The following TBCK variants were observed in gnomAD, a reference collection of about 807,000 sequenced individuals.
TBCK encodes TBC domain-containing protein kinase-like protein.
Under a neutral mutation model 113.4 loss-of-function variants are expected in TBCK, and 99 were observed. That is an observed-to-expected ratio of 0.87 (90% CI 0.74 to 1.03). TBCK has a LOEUF of 1.03. TBCK is among the 50% of genes least tolerant of loss of function. The pLI is 0.00. For synonymous variants in TBCK, 369 were observed against 370.8 expected (o/e 1.00, Z 0.05); for missense variants, 1,045 against 1,061.3 (o/e 0.98, Z 0.21).
chr4:106,113,507 A>T (rs1743104193), intron 24 of TBCK, among the ~76,000 whole-genome samples: 1 of 152,184 alleles, frequency 6.6e-6, no homozygotes, highest in Admixed American at 6.5e-5. Context: ...ATGAATTGTT[A>T]ACATGTGGGA....
intron 24 of TBCK, among the ~76,000 whole-genome samples, chr4:106,108,284 G>T (rs1742415434): frequency 6.6e-6 from 1 of 152,080 alleles, no homozygotes; most frequent in East Asian, 1.9e-4. Context: ...TCATACCAAA[G>T]CCTGGCAGAG....
At chr4:106,066,929 T>C (rs554252436) in intron 25 of TBCK, among the ~76,000 whole-genome samples, 2 of 152,246 alleles carry the variant, frequency 1.3e-5, no homozygotes, top group African/African-American at 4.8e-5. Context: ...TGATAGACAC[T>C]TGGGTTGTTT....
chr4:106,091,942 T>C (rs544171288), intron 25 of TBCK, among the ~76,000 whole-genome samples: 124 of 152,342 alleles, frequency 8.1e-4, no homozygotes, highest in Non-Finnish European at 1.6e-3. Context: ...TGCTGATTAG[T>C]GCATTTACAA....
At chr4:106,259,933 C>T (rs1762347714) in intron 5 of TBCK, among the ~76,000 whole-genome samples, 1 of 151,870 alleles carries the variant, frequency 6.6e-6, no homozygotes, top group African/African-American at 2.4e-5. Context: ...TTAAATAAAC[C>T]TTTCTGAACT....
intron 22 of TBCK, among the ~76,000 whole-genome samples, chr4:106,180,215 T>C (rs181919217): frequency 8.8e-4 from 134 of 152,096 alleles, no homozygotes; most frequent in African/African-American, 3.1e-3. Flanking sequence ...ATTAATTTAA[T>C]TGGATAAATT....
chr4:106,104,701 C>A (rs1293985853), intron 24 of TBCK, among the ~76,000 whole-genome samples: 4 of 152,246 alleles, frequency 2.6e-5, no homozygotes, highest in Admixed American at 1.3e-4. Flanking sequence ...CTGGGCAGGA[C>A]CTCCCAACCA....
At chr4:106,103,396 T>G (rs1184525092) in intron 24 of TBCK, among the ~76,000 whole-genome samples, 1 of 152,216 alleles carries the variant, frequency 6.6e-6, no homozygotes, top group Non-Finnish European at 1.5e-5. Context: ...GAGGAATCAA[T>G]GCATGTCTCA....
chr4:106,135,221 A>G (rs572139469), intron 23 of TBCK, among the ~76,000 whole-genome samples: 7 of 151,570 alleles, frequency 4.6e-5, no homozygotes, highest in African/African-American at 1.7e-4. Context: ...ATAATAATAG[A>G]AAATATATAG....
Position 106,046,643 on chromosome 4 carries a change from A to C in TBCK, c.2609T>G (p.Ile870Ser). 6.2e-7 allele frequency: 1 copy of C among 1,612,376 alleles called. No homozygotes were observed. The highest frequency in any genetic ancestry group is 2.2e-5 in the East Asian group (1 of 44,848). ...ATTAATGCCACCATCTAGAATACAG[A>C]TTCTTGGATATTTCATCTTCACAAG... ...AHLVKMKYPR[I>S]CILDGGINKI... Residue 870 changes from isoleucine to serine, a missense_variant, in exon 26 of 26, where the codon ATC (isoleucine) becomes AGC (serine). By Grantham distance (142) the Ile-to-Ser change is moderately radical. Coordinates refer to ENST00000394708, the MANE Select transcript of TBCK (RefSeq NM_001163435.3).
At chr4:106,101,654 C>A (rs1005075685) in intron 24 of TBCK, among the ~76,000 whole-genome samples, 1 of 151,938 alleles carries the variant, frequency 6.6e-6, no homozygotes, top group South Asian at 2.1e-4. Flanking sequence ...TAGATACTAA[C>A]TTTTTTTTAA....
chr4:106,130,589 TACACACACACACACACACAC>T (rs70941237), intron 23 of TBCK, among the ~76,000 whole-genome samples: 13 of 142,510 alleles, frequency 9.1e-5, no homozygotes, highest in Middle Eastern at 7.1e-3. Flanking sequence ...TTGCGCTAAA[TACACACACACACACACACAC>T]ACACACACAC....
chr4:106,083,705 C>G (rs1739176987), intron 25 of TBCK, among the ~76,000 whole-genome samples: 1 of 152,192 alleles, frequency 6.6e-6, no homozygotes, highest in Non-Finnish European at 1.5e-5. Flanking sequence ...TGGTGCCCCT[C>G]AAGGTCAGAG....
intron 24 of TBCK, among the ~76,000 whole-genome samples, chr4:106,099,626 C>T (rs1320839440): frequency 6.6e-6 from 1 of 152,088 alleles, no homozygotes; most frequent in Non-Finnish European, 1.5e-5. Flanking sequence ...AATGGCATCA[C>T]CATCCCCCAA....
At chr4:106,152,178 C>T (rs1748573152) in intron 23 of TBCK, among the ~76,000 whole-genome samples, 2 of 151,856 alleles carry the variant, frequency 1.3e-5, no homozygotes, top group South Asian at 4.1e-4. Context: ...AGAGGAAAGG[C>T]TTTCAGTTTT....
At chr4:106,195,894 T>A (rs552448355) in intron 20 of TBCK, among the ~76,000 whole-genome samples, 2 of 152,182 alleles carry the variant, frequency 1.3e-5, no homozygotes, top group East Asian at 3.9e-4. Flanking sequence ...CCTCTATCTA[T>A]GTTTATATAT....
At chr4:106,125,462 C>G (rs6844324) in intron 23 of TBCK, among the ~76,000 whole-genome samples, 1 of 151,890 alleles carries the variant, frequency 6.6e-6, no homozygotes, top group East Asian at 1.9e-4. Context: ...TATTGTGCCA[C>G]TGCACTCCAG....
At chr4:106,102,876 G>T (rs1018022674) in intron 24 of TBCK, among the ~76,000 whole-genome samples, 1 of 152,042 alleles carries the variant, frequency 6.6e-6, no homozygotes, top group East Asian at 1.9e-4. Context: ...CGGCAAGAGA[G>T]AAATAAAACT....
intron 20 of TBCK, among the ~76,000 whole-genome samples, chr4:106,208,756 AAG>A (rs1239196505): frequency 6.6e-6 from 1 of 152,062 alleles, no homozygotes; most frequent in Non-Finnish European, 1.5e-5. Flanking sequence ...ACAATGGGAG[AAG>A]GGACCTCTGG....
chr4:106,070,529 T>G (rs1409494251), intron 25 of TBCK, among the ~76,000 whole-genome samples: 1 of 152,188 alleles, frequency 6.6e-6, no homozygotes, highest in Non-Finnish European at 1.5e-5. Flanking sequence ...GATATGCTGC[T>G]GGATTCAGTT....
Sources: gnomAD v4.1 joint callset for allele counts (sites outside exome capture counted in the v4.1 genomes callset) on GRCh38, gnomAD v4.1.1 for gene constraint, MANE v1.5 for transcripts, NCBI Gene and HGNC (gene_info 2026-07-23, HGNC 2026-07-21) for gene names.